Variants in BLTP3B observed in about 807,000 individuals in gnomAD.
BLTP3B encodes the protein bridge-like lipid transfer protein family member 3B.
chr12:100,112,357 A>G, the BLTP3B span, among the ~76,000 whole-genome samples: 1 of 152,104 alleles, frequency 6.6e-6, no homozygotes, highest in African/African-American at 2.4e-5. Context: ...TTAAAAAAGA[A>G]TTAGCCAGGC....
At chr12:100,092,990 T>G in the BLTP3B span, 21 of 983,776 alleles carry the variant, frequency 2.1e-5, no homozygotes, top group Non-Finnish European at 2.3e-5. Context: ...TGAACTTTTC[T>G]CTCTTCCTTA....
the BLTP3B span, among the ~76,000 whole-genome samples, chr12:100,090,481 A>G: frequency 1.3e-5 from 2 of 152,190 alleles, no homozygotes; most frequent in African/African-American, 4.8e-5. Context: ...CCACTTTAAA[A>G]ATTAACAATG....
the BLTP3B span, among the ~76,000 whole-genome samples, chr12:100,056,830 A>C: frequency 6.6e-6 from 1 of 151,928 alleles, no homozygotes. Flanking sequence ...GAGTGAAAAA[A>C]AAAAAAGAAA....
chr12:100,047,481 A>G, the BLTP3B span: 1 of 1,424,128 alleles, frequency 7.0e-7, no homozygotes, highest in Non-Finnish European at 9.9e-7. Flanking sequence ...CCTGGGCAAC[A>G]AGAGCAAAAT....
At chr12:100,074,057 A>G in the BLTP3B span, among the ~76,000 whole-genome samples, 1 of 152,222 alleles carries the variant, frequency 6.6e-6, no homozygotes, top group Non-Finnish European at 1.5e-5. Context: ...GGGCATCCAA[A>G]TAGGAAAAGA....
the BLTP3B span, chr12:100,084,539 C>A: frequency 6.2e-7 from 1 of 1,613,956 alleles, no homozygotes; most frequent in South Asian, 1.1e-5. Flanking sequence ...ACATTATGAT[C>A]CTTCACAGCC....
chr12:100,059,280 G>A, the BLTP3B span: 2 of 1,613,690 alleles, frequency 1.2e-6, no homozygotes, highest in Admixed American at 1.7e-5. Flanking sequence ...ATGCATTTTG[G>A]TATCTTGTTC....
the BLTP3B span, among the ~76,000 whole-genome samples, chr12:100,099,499 G>A: frequency 2.0e-5 from 3 of 150,746 alleles, no homozygotes; most frequent in East Asian, 5.9e-4. Flanking sequence ...GGTAGCTCAT[G>A]CCTGTAATCC....
At chr12:100,083,835 G>C in the BLTP3B span, among the ~76,000 whole-genome samples, 57 of 152,172 alleles carry the variant, frequency 3.7e-4, 1 homozygote, top group African/African-American at 1.3e-3. Context: ...AAAGTGCTTT[G>C]GTCCACAAGC....
At chr12:100,059,883 A>G in the BLTP3B span, 2 of 1,612,150 alleles carry the variant, frequency 1.2e-6, no homozygotes, top group Non-Finnish European at 1.7e-6. Context: ...GAACATCAAC[A>G]TGCTCGTCAG....
At chr12:100,142,839 G>A in the BLTP3B span, 1 of 673,462 alleles carries the variant, frequency 1.5e-6, no homozygotes, top group South Asian at 2.0e-5. Context: ...GGCCGCCGCG[G>A]GCGCCATCTT....
chr12:100,054,313 C>CAT, the BLTP3B span, among the ~76,000 whole-genome samples: 24 of 152,104 alleles, frequency 1.6e-4, no homozygotes, highest in African/African-American at 5.5e-4. Flanking sequence ...AGCAAACATA[C>CAT]ATATATATGG....
the BLTP3B span, among the ~76,000 whole-genome samples, chr12:100,065,449 C>T: frequency 3.3e-5 from 5 of 152,104 alleles, no homozygotes; most frequent in Admixed American, 6.6e-5. Context: ...GTGAAGATAT[C>T]GCTAAATTCT....
the BLTP3B span, among the ~76,000 whole-genome samples, chr12:100,087,434 T>C: frequency 2.6e-5 from 4 of 152,216 alleles, no homozygotes; most frequent in African/African-American, 7.2e-5. Context: ...ATCCCTTACG[T>C]AAAACCTTTG....
the BLTP3B span, chr12:100,057,447 T>C: frequency 1.9e-6 from 1 of 527,366 alleles, no homozygotes; most frequent in Non-Finnish European, 3.0e-6. Flanking sequence ...TTATTTTTAG[T>C]TATGTTCAGT....
the BLTP3B span, among the ~76,000 whole-genome samples, chr12:100,105,276 G>A: frequency 1.3e-5 from 2 of 151,488 alleles, no homozygotes; most frequent in Non-Finnish European, 1.5e-5. Context: ...TGGAACAGGT[G>A]TAAAAATAGG....
chr12:100,068,933 G>A, the BLTP3B span, among the ~76,000 whole-genome samples: 596 of 152,344 alleles, frequency 3.9e-3, 1 homozygote, highest in Non-Finnish European at 5.2e-3. Flanking sequence ...ACAGTGTGGA[G>A]ATTCCTTAAA....
chr12:100,101,718 A>G, the BLTP3B span, among the ~76,000 whole-genome samples: 1 of 152,240 alleles, frequency 6.6e-6, no homozygotes, highest in Non-Finnish European at 1.5e-5. Context: ...ATTTTCATCT[A>G]TCAAAATACA....
chr12:100,087,912 C>G, the BLTP3B span, among the ~76,000 whole-genome samples: 1 of 152,172 alleles, frequency 6.6e-6, no homozygotes, highest in East Asian at 1.9e-4. Flanking sequence ...CCTTTCAAAT[C>G]TCTAAAGTAA....
Sources: gnomAD v4.1 joint callset for allele counts (sites outside exome capture counted in the v4.1 genomes callset) on GRCh38, gnomAD v4.1.1 for gene constraint, MANE v1.5 for transcripts, NCBI Gene and HGNC (gene_info 2026-07-23, HGNC 2026-07-21) for gene names.